RALYL: variants seen among roughly 807,000 people sequenced by gnomAD.
The protein encoded by RALYL is RALY RNA binding protein like.
Under a neutral mutation model 35.1 loss-of-function variants are expected in RALYL, and 29 were observed. The ratio of observed to expected loss-of-function variants is 0.83; its 90% CI spans 0.61 to 1.13. RALYL has a LOEUF of 1.13. RALYL is among the 50% of genes most tolerant of loss of function. The probability of loss-of-function intolerance (pLI) is 0.00; values close to 1 mark genes in which losing one functional copy is unlikely to be tolerated. For synonymous variants in RALYL, 120 were observed against 127.6 expected, an observed-to-expected ratio of 0.94 and a Z score of 0.40; for missense variants, 359 against 360.4, an observed-to-expected ratio of 1.00 and a Z score of 0.03.
chr8:84,464,413 T>C lies in RALYL; in HGVS notation c.-23-64886T>C, dbSNP rs1443810156. Among the ~76,000 whole-genome samples the C allele has an allele frequency of 7.3e-5, 11 of 151,432 alleles. 2 individuals carry two copies. The South Asian group carries it at 2.3e-3, about 32-fold the overall frequency. On this transcript the variant is annotated intron_variant, in intron 1 of 8. Transcript: ENST00000521268. ...GGTGTTTGGTTTTTTGTTCTTGCGA[T>C]AGTTTACTGAGAATGATGATTTCCA... is the stretch of plus-strand genomic sequence containing the variant.
chr8:84,898,047 G>A (rs6985354), intron 8 of RALYL, among the ~76,000 whole-genome samples: 69,736 of 152,136 alleles, frequency 0.46, 19,014 homozygotes, highest in African/African-American at 0.75. Context: ...ATGGCATTCC[G>A]CATGGAAAGA....
chr8:84,731,005 G>A (rs955191740), intron 2 of RALYL, among the ~76,000 whole-genome samples: 17 of 152,146 alleles, frequency 1.1e-4, no homozygotes, highest in African/African-American at 3.6e-4. Flanking sequence ...AGAAGAAATA[G>A]GGGATAGAGG....
intron 3 of RALYL, among the ~76,000 whole-genome samples, chr8:84,795,810 T>A (rs1821781861): frequency 6.6e-6 from 1 of 152,206 alleles, no homozygotes; most frequent in African/African-American, 2.4e-5. Context: ...TCAGTTGACA[T>A]GAAAATCAAA....
At chr8:84,773,773 T>G (rs1816159875) in intron 2 of RALYL, among the ~76,000 whole-genome samples, 1 of 152,228 alleles carries the variant, frequency 6.6e-6, no homozygotes, top group African/African-American at 2.4e-5. Flanking sequence ...TCCTTCTAGC[T>G]TCCTTTTCTA....
chr8:84,345,395 C>CGG (rs1159112042), intron 1 of RALYL, among the ~76,000 whole-genome samples: 4 of 152,052 alleles, frequency 2.6e-5, no homozygotes, highest in Admixed American at 2.6e-4. Flanking sequence ...AATACTTCAT[C>CGG]ATGGAAGTGA....
chr8:84,853,288 A>T (rs1205156906), intron 5 of RALYL, among the ~76,000 whole-genome samples: 1 of 152,178 alleles, frequency 6.6e-6, no homozygotes, highest in African/African-American at 2.4e-5. Flanking sequence ...CAGTTTTCTC[A>T]TCTTTAAAAG....
intron 2 of RALYL, among the ~76,000 whole-genome samples, chr8:84,763,755 T>A (rs941685125): frequency 1.1e-4 from 17 of 152,204 alleles, no homozygotes; most frequent in Non-Finnish European, 2.9e-5. Flanking sequence ...ACAAAATAAC[T>A]TTTTTTAAAA....
chr8:84,809,008 G>A (rs887369408), intron 4 of RALYL, among the ~76,000 whole-genome samples: 1 of 151,958 alleles, frequency 6.6e-6, no homozygotes, highest in Non-Finnish European at 1.5e-5. Context: ...TCTTTTTCTT[G>A]TCTAGTTGCT....
rs1217157828 is a variant in RALYL, at chr8:84,606,762, TG to T, written c.256+77186del. Among the ~76,000 whole-genome samples, 6 of 152,216 alleles carry T rather than the reference TG, an allele frequency of 3.9e-5. No individual in the cohort carries two copies. The East Asian group carries it at 1.2e-3, about 29-fold the overall frequency. On this transcript the variant is annotated intron_variant, in intron 2 of 8. Coordinates refer to ENST00000521268, the MANE Select transcript of RALYL (RefSeq NM_173848.7). ...TAGGTGTAGTCTTGTGATAAATGAA[TG>T]TTTTTTGAAAACTGAGTATTAAAAA... is the stretch of plus-strand genomic sequence containing the variant.
intron 2 of RALYL, among the ~76,000 whole-genome samples, chr8:84,674,845 A>G (rs1833896974): frequency 6.6e-6 from 1 of 152,142 alleles, no homozygotes; most frequent in Non-Finnish European, 1.5e-5. Flanking sequence ...AAGAAGGTAC[A>G]TTTCTTATAT....
chr8:84,262,636 A>G (rs1832530624), intron 1 of RALYL, among the ~76,000 whole-genome samples: 1 of 152,194 alleles, frequency 6.6e-6, no homozygotes, highest in Non-Finnish European at 1.5e-5. Flanking sequence ...ATACATAGAA[A>G]TAATGTTTTT....
At chr8:84,347,193 A>T (rs955358938) in intron 1 of RALYL, among the ~76,000 whole-genome samples, 9 of 151,240 alleles carry the variant, frequency 6.0e-5, no homozygotes, top group East Asian at 3.9e-4. Flanking sequence ...AGAGCAATTT[A>T]AAAAAAAAGA....
At chr8:84,877,065 C>A (rs1841285156) in intron 7 of RALYL, among the ~76,000 whole-genome samples, 1 of 152,178 alleles carries the variant, frequency 6.6e-6, no homozygotes, top group African/African-American at 2.4e-5. Context: ...GTCTGAGACT[C>A]CCATTGCAGG....
In RALYL at chr8:84,605,597, A is replaced by T. The variant is rs75987042; in HGVS notation, c.256+76020A>T. On this transcript the variant is annotated intron_variant, in intron 2 of 8. Transcript: ENST00000521268. ...TTCTAGGTGATCCTGACTCAGGCAG[A>T]TAGGTTCTATGCCCACAGCCATGGC... Among the ~76,000 whole-genome samples the T allele has an allele frequency of 3.7e-3, 561 of 152,194 alleles. 9 individuals are homozygous for T. Among genetic ancestry groups the T allele is most frequent in the Middle Eastern group, 0.014 (4 of 294 alleles).
chr8:84,891,639 T>C (rs1366575712), intron 8 of RALYL, among the ~76,000 whole-genome samples: 5 of 152,188 alleles, frequency 3.3e-5, no homozygotes, highest in African/African-American at 1.2e-4. Context: ...ATCTCTATTA[T>C]ATCATTTTGT....
intron 1 of RALYL, among the ~76,000 whole-genome samples, chr8:84,271,157 C>A (rs1834234652): frequency 7.0e-6 from 1 of 142,214 alleles, no homozygotes; most frequent in Non-Finnish European, 1.5e-5. Context: ...TATCTGATAA[C>A]AGACATTTAA....
At chr8:84,855,317 A>G (rs950051162) in intron 5 of RALYL, among the ~76,000 whole-genome samples, 1 of 152,170 alleles carries the variant, frequency 6.6e-6, no homozygotes, top group Admixed American at 6.5e-5. Context: ...AATAACTAAC[A>G]TATGTCCACA....
chr8:84,475,958 C>A (rs10088701), intron 1 of RALYL, among the ~76,000 whole-genome samples: 1 of 152,168 alleles, frequency 6.6e-6, no homozygotes, highest in South Asian at 2.1e-4. Context: ...AAATACAAAT[C>A]CAGGTTAGGA....
chr8:84,892,618 A>T (rs1228428115), intron 8 of RALYL, among the ~76,000 whole-genome samples: 1 of 151,868 alleles, frequency 6.6e-6, no homozygotes, highest in Non-Finnish European at 1.5e-5. Context: ...CTTAAAAAAA[A>T]AAAAAAAAAC....
Sources: gnomAD v4.1 joint callset for allele counts (sites outside exome capture counted in the v4.1 genomes callset) on GRCh38, gnomAD v4.1.1 for gene constraint, MANE v1.5 for transcripts, NCBI Gene and HGNC (gene_info 2026-07-23, HGNC 2026-07-21) for gene names.